The following ULK4 variants were observed in gnomAD, a reference collection of about 807,000 sequenced individuals.
ULK4 encodes unc-51 like kinase 4.
In ULK4, 133 loss-of-function variants were observed where a neutral mutation model predicts 160.6. The observed-to-expected ratio is 0.83, with a 90% CI of 0.72 to 0.96. The LOEUF (loss-of-function observed/expected upper bound fraction) is 0.96. Among genes scored for constraint, ULK4 ranks in the 40% least tolerant of loss-of-function variants. The pLI is 0.00. For missense variants in ULK4, 1,580 were observed against 1,499.5 expected (o/e 1.05, Z -0.89); for synonymous variants, 534 against 539.8 (o/e 0.99, Z 0.15).
intron 8 of ULK4, among the ~76,000 whole-genome samples, chr3:41,913,569 G>A (rs1187537383): frequency 1.3e-5 from 2 of 152,078 alleles, no homozygotes; most frequent in Admixed American, 6.5e-5. Context: ...CTATAATCCT[G>A]TCATCCTTTA....
intron 35 of ULK4, among the ~76,000 whole-genome samples, chr3:41,357,043 C>A (rs899467109): frequency 2.0e-5 from 3 of 152,144 alleles, no homozygotes; most frequent in Admixed American, 2.0e-4. Flanking sequence ...TTCCACTTTT[C>A]AGGCATCTTC....
At chr3:41,710,516 G>A (rs138340230) in intron 25 of ULK4, among the ~76,000 whole-genome samples, 2,140 of 152,164 alleles carry the variant, frequency 0.014, 50 homozygotes, top group African/African-American at 0.049. Flanking sequence ...TCAGAGAACC[G>A]GACGTGGTGG....
intron 35 of ULK4, among the ~76,000 whole-genome samples, chr3:41,292,124 C>T (rs1287568290): frequency 4.6e-5 from 7 of 152,104 alleles, no homozygotes; most frequent in East Asian, 1.9e-4. Flanking sequence ...TGAGCCACCG[C>T]GCCCGGCCTC....
At chr3:41,288,343 T>G (rs2079500899) in intron 35 of ULK4, among the ~76,000 whole-genome samples, 1 of 152,200 alleles carries the variant, frequency 6.6e-6, no homozygotes, top group African/African-American at 2.4e-5. Context: ...CTGACCAGTA[T>G]GAGCTAATCC....
chr3:41,453,382 GC>G (rs2083466324), intron 34 of ULK4, among the ~76,000 whole-genome samples: 1 of 152,028 alleles, frequency 6.6e-6, no homozygotes, highest in South Asian at 2.1e-4. Context: ...CTGCTATGTT[GC>G]CTAGGCTAGT....
intron 35 of ULK4, among the ~76,000 whole-genome samples, chr3:41,281,876 T>C (rs1292347298): frequency 1.3e-5 from 2 of 152,224 alleles, no homozygotes; most frequent in African/African-American, 4.8e-5. Context: ...TGTTTGCAGA[T>C]GACATGATTG....
chr3:41,431,547 C>CAT (rs563543377), intron 34 of ULK4, among the ~76,000 whole-genome samples: 3 of 95,852 alleles, frequency 3.1e-5, no homozygotes, highest in Admixed American at 1.1e-4. Flanking sequence ...AATTCCCTCC[C>CAT]TTTTTTTTTT....
intron 32 of ULK4, among the ~76,000 whole-genome samples, chr3:41,487,079 G>GA (rs1013735158): frequency 8.6e-5 from 13 of 151,946 alleles, no homozygotes; most frequent in Admixed American, 1.3e-4. Flanking sequence ...ACAATATCCA[G>GA]AAAAAACATA....
intron 31 of ULK4, among the ~76,000 whole-genome samples, chr3:41,607,744 A>T (rs542896296): frequency 6.6e-6 from 1 of 152,318 alleles, no homozygotes; most frequent in East Asian, 1.9e-4. Flanking sequence ...ACTAAATACA[A>T]TAAATATTAC....
chr3:41,249,715 TA>T, intron 35 of ULK4, 141 bp from the exon 36 acceptor site: 1 of 792,270 alleles, frequency 1.3e-6, no homozygotes, highest in Non-Finnish European at 2.0e-6. Context: ...GGCTTGTCTG[TA>T]ACCCCCATGC....
intron 34 of ULK4, among the ~76,000 whole-genome samples, chr3:41,427,389 A>C (rs2082801650): frequency 6.6e-6 from 1 of 152,224 alleles, no homozygotes. Context: ...CAAACAATTG[A>C]AAAGAAGGGT....
chr3:41,814,195 T>C (rs2040898611), intron 19 of ULK4, among the ~76,000 whole-genome samples: 1 of 152,232 alleles, frequency 6.6e-6, no homozygotes. Context: ...GTAGTATCTT[T>C]CAAGGATTTA....
intron 35 of ULK4, among the ~76,000 whole-genome samples, chr3:41,262,970 A>G (rs1015995655): frequency 3.3e-5 from 5 of 152,354 alleles, no homozygotes; most frequent in African/African-American, 1.2e-4. Context: ...AGATATAAAA[A>G]TAAATGGGAG....
chr3:41,393,025 G>C (rs2081988145), intron 35 of ULK4, among the ~76,000 whole-genome samples: 1 of 152,170 alleles, frequency 6.6e-6, no homozygotes, highest in South Asian at 2.1e-4. Flanking sequence ...GCAGGGCTGT[G>C]TGGAGAAGAC....
chr3:41,716,823 C>T (rs2037283270), intron 23 of ULK4, among the ~76,000 whole-genome samples: 1 of 152,180 alleles, frequency 6.6e-6, no homozygotes, highest in Non-Finnish European at 1.5e-5. Flanking sequence ...CTGTAATAAA[C>T]ATCCTTTGCA....
At chr3:41,396,146 G>A (rs753756233) in intron 35 of ULK4, among the ~76,000 whole-genome samples, 14 of 151,822 alleles carry the variant, frequency 9.2e-5, no homozygotes, top group Admixed American at 4.6e-4. Flanking sequence ...AAACACATAC[G>A]GTAGCAAAAT....
intron 31 of ULK4, among the ~76,000 whole-genome samples, chr3:41,566,787 T>G (rs1293637640): frequency 1.3e-5 from 2 of 152,242 alleles, no homozygotes; most frequent in African/African-American, 4.8e-5. Context: ...TTTTGTTCCC[T>G]TTTTCATTGC....
chr3:41,637,441 C>A (rs189298410), intron 30 of ULK4, among the ~76,000 whole-genome samples: 1 of 152,090 alleles, frequency 6.6e-6, no homozygotes, highest in East Asian at 1.9e-4. Flanking sequence ...ATTCGTTCAT[C>A]TATTGATGGA....
At chr3:41,729,129 T>C (rs1045351671) in intron 22 of ULK4, among the ~76,000 whole-genome samples, 13 of 152,126 alleles carry the variant, frequency 8.5e-5, no homozygotes, top group Non-Finnish European at 1.9e-4. Flanking sequence ...AGAGACACCA[T>C]GGAACATGAA....
Sources: gnomAD v4.1 joint callset for allele counts (sites outside exome capture counted in the v4.1 genomes callset) on GRCh38, gnomAD v4.1.1 for gene constraint, MANE v1.5 for transcripts, NCBI Gene and HGNC (gene_info 2026-07-23, HGNC 2026-07-21) for gene names.